ABR: variants seen among roughly 807,000 people sequenced by gnomAD.
ABR encodes ABR activator of RhoGEF and GTPase.
A neutral mutation model predicts 107.2 loss-of-function variants in ABR; 35 were observed. The ratio of observed to expected loss-of-function variants is 0.33; its 90% CI spans 0.25 to 0.43. ABR has a LOEUF of 0.43. ABR is among the 20% of genes least tolerant of loss of function. ABR has a pLI of 1.00. For missense variants in ABR, 815 were observed against 1,115.2 expected (o/e 0.73, Z 3.83); for synonymous variants, 498 against 462.0 (o/e 1.08, Z -1.00).
At chr17:1,085,944 C>T (rs147690175) in intron 4 of ABR, among the ~76,000 whole-genome samples, 9 of 152,038 alleles carry the variant, frequency 5.9e-5, no homozygotes, top group South Asian at 2.1e-4. Flanking sequence ...GTTGGCAGTT[C>T]GAGACCAGCC....
chr17:1,206,969 C>T (rs1477525031), intron 1 of ABR, among the ~76,000 whole-genome samples: 2 of 152,114 alleles, frequency 1.3e-5, no homozygotes, highest in African/African-American at 4.8e-5. Context: ...CCTGTAATCC[C>T]AGCTACTCGG....
intron 2 of ABR, among the ~76,000 whole-genome samples, chr17:1,113,232 G>T (rs1459059542): frequency 2.0e-5 from 3 of 151,570 alleles, no homozygotes; most frequent in Admixed American, 6.6e-5. Flanking sequence ...CTCTGCAGCT[G>T]AGGTGCCACT....
chr17:1,069,763 T>A (rs1422187059), intron 9 of ABR, among the ~76,000 whole-genome samples: 51 of 99,724 alleles, frequency 5.1e-4, no homozygotes, highest in Non-Finnish European at 7.7e-4. Context: ...ACTCACACAC[T>A]CACCCCGCAG....
At chr17:1,141,975 C>G (rs981916019) in intron 1 of ABR, among the ~76,000 whole-genome samples, 1 of 152,008 alleles carries the variant, frequency 6.6e-6, no homozygotes. Flanking sequence ...CCAGGATGGT[C>G]TCAAACTCCT....
intron 1 of ABR, among the ~76,000 whole-genome samples, chr17:1,186,581 G>A (rs2042302480): frequency 6.6e-6 from 1 of 152,196 alleles, no homozygotes; most frequent in Non-Finnish European, 1.5e-5. Flanking sequence ...CATGGCCAGG[G>A]GCCACAGCAA....
At chr17:1,058,920 G>C (rs200816185) in intron 10 of ABR, 53 bp from the exon 11 acceptor site, 1 of 1,608,012 alleles carries the variant, frequency 6.2e-7, no homozygotes, top group Non-Finnish European at 8.5e-7. Context: ...CCTTTCTCAC[G>C]AGCAGCACTA....
chr17:1,217,555 TATC>T, intron 1 of ABR, among the ~76,000 whole-genome samples: 1 of 152,330 alleles, frequency 6.6e-6, no homozygotes, highest in African/African-American at 2.4e-5. Flanking sequence ...GATATTATAT[TATC>T]ATCGTCCCCT....
intron 1 of ABR, among the ~76,000 whole-genome samples, chr17:1,137,539 C>G (rs992389285): frequency 6.6e-6 from 1 of 152,122 alleles, no homozygotes; most frequent in Non-Finnish European, 1.5e-5. Context: ...TGAAGGTTGC[C>G]GGGTCCGGTC....
At chr17:1,110,041 C>A (rs915904796) in intron 2 of ABR, among the ~76,000 whole-genome samples, 2 of 148,358 alleles carry the variant, frequency 1.3e-5, no homozygotes, top group African/African-American at 5.0e-5. Flanking sequence ...GACCAGCACC[C>A]CCACCTCCTC....
chr17:1,185,784 G>A (rs181769837), intron 1 of ABR, among the ~76,000 whole-genome samples: 17 of 151,236 alleles, frequency 1.1e-4, no homozygotes, highest in East Asian at 3.9e-4. Flanking sequence ...CCTGTTTTCC[G>A]TGCTTTGCTC....
chr17:1,186,133 G>A (rs778639129), intron 1 of ABR, among the ~76,000 whole-genome samples: 16 of 152,260 alleles, frequency 1.1e-4, no homozygotes, highest in South Asian at 4.1e-4. Context: ...CACCATGTGC[G>A]GCCAGCATTT....
chr17:1,013,340 GC>G (rs2070808325), intron 16 of ABR, 176 bp from the exon 17 acceptor site: 1 of 669,758 alleles, frequency 1.5e-6, no homozygotes, highest in East Asian at 2.8e-5. Flanking sequence ...TAGCCCCCAG[GC>G]CCCTGTGGCC....
chr17:1,108,648 G>A (rs1037858382), intron 2 of ABR, among the ~76,000 whole-genome samples: 1 of 152,270 alleles, frequency 6.6e-6, no homozygotes, highest in African/African-American at 2.4e-5. Flanking sequence ...CCGCTCCAGG[G>A]AGGCGGCGAG....
exon 1 of ABR, among the ~76,000 whole-genome samples, chr17:1,229,217 G>A (rs542073064): frequency 5.9e-5 from 9 of 151,614 alleles, no homozygotes; most frequent in Non-Finnish European, 1.2e-4. Context: ...GGGGCGCGTC[G>A]TCCTCCCGGG....
At position 1,203,398 on chromosome 17, in the gene ABR, C is replaced by T. The variant is rs866917261; in HGVS notation, c.838+25395G>A. On this transcript the variant is annotated intron_variant, in intron 1 of 22. Transcript: ENST00000574139. ...GGCGGGGCCTTGAGGGGGCGGGGCC[C>T]GCGGGGGGCGGAGTCTGCGGGGGCG... 0.025 allele frequency among the ~76,000 whole-genome samples: 59 copies of T among 2,356 alleles called. 8 individuals carry two copies. The East Asian group carries it at 0.26, about 11-fold the overall frequency. 1.5% of individuals were successfully genotyped at this position (2,356 alleles called of 152,430 possible). A position where few individuals can be genotyped will look rare whatever the true frequency, so the allele number is the denominator to read the frequency against.
Position 1,072,633 on chromosome 17 carries a change from A to G in ABR, c.875T>C (p.Val292Ala). The G allele has an allele frequency of 6.2e-7, 1 of 1,609,396 alleles. No homozygotes were observed. The highest frequency in any genetic ancestry group is 8.5e-7 in the Non-Finnish European group (1 of 1,178,164). Residue 292 changes from valine to alanine, a missense_variant, in exon 8 of 23, where the codon GTG (valine) becomes GCG (alanine). This residue lies in a region of ABR where 385 missense variants were observed against 596.9 expected (regional missense o/e 0.64). Coordinates refer to ENST00000302538, the MANE Select transcript of ABR (RefSeq NM_021962.5). ...GCTCACCTCCCCCTTGGGCGTTGTC[A>G]CTGCAGTCCGGCGGGGGTCGATGTC... Reference protein sequence around the residue: ...NEDIDPRRTAVTTPKGETRQL... With the variant: ...NEDIDPRRTAATTPKGETRQL...
At chr17:1,141,781 CAG>C (rs970097251) in intron 1 of ABR, among the ~76,000 whole-genome samples, 10 of 149,386 alleles carry the variant, frequency 6.7e-5, no homozygotes, top group African/African-American at 2.0e-4. Flanking sequence ...TTTTTGGAGA[CAG>C]AGTCTTGCTC....
At chr17:1,036,281 C>T (rs1368536046) in intron 16 of ABR, among the ~76,000 whole-genome samples, 1 of 152,110 alleles carries the variant, frequency 6.6e-6, no homozygotes, top group African/African-American at 2.4e-5. Context: ...CCAGTTGGGG[C>T]GGGGAGAGCC....
At chr17:1,130,192 C>G (rs1225096011) in intron 1 of ABR, among the ~76,000 whole-genome samples, 1 of 152,116 alleles carries the variant, frequency 6.6e-6, no homozygotes, top group Non-Finnish European at 1.5e-5. Flanking sequence ...CTCGCATCAC[C>G]TTCCTCTCCC....
Sources: allele counts gnomAD v4.1 joint callset (sites outside exome capture counted in the v4.1 genomes callset), GRCh38; gene constraint gnomAD v4.1.1; regional missense constraint gnomAD v4.1.1; transcripts MANE v1.5; gene names NCBI Gene and HGNC (gene_info 2026-07-23, HGNC 2026-07-21).